TPRG1: variants seen among roughly 807,000 people sequenced by gnomAD.
The protein encoded by TPRG1 is tumor protein p63-regulated gene 1 protein.
TPRG1 carries 29 observed loss-of-function variants against 29.3 expected under a neutral mutation model. That is an observed-to-expected ratio of 0.99 (90% CI 0.74 to 1.35). The LOEUF (loss-of-function observed/expected upper bound fraction) is 1.35, where lower values mean the gene tolerates loss of function less well. Among genes scored for constraint, TPRG1 ranks in the 40% most tolerant of loss-of-function variants. TPRG1 has a pLI of 0.00. For missense variants in TPRG1, 327 were observed against 335.0 expected (o/e 0.98, Z 0.19); for synonymous variants, 130 against 116.8 (o/e 1.11, Z -0.73).
chr3:189,132,927 A>G (rs1723264654), intron 3 of TPRG1, among the ~76,000 whole-genome samples: 1 of 152,124 alleles, frequency 6.6e-6, no homozygotes. Flanking sequence ...GGGGATGGAG[A>G]TATAATCAAC....
chr3:189,284,269 T>C (rs893161209), intron 4 of TPRG1, among the ~76,000 whole-genome samples: 19 of 152,096 alleles, frequency 1.2e-4, no homozygotes, highest in Non-Finnish European at 2.6e-4. Flanking sequence ...GTTACCTATG[T>C]ATACATGTGC....
intron 3 of TPRG1, among the ~76,000 whole-genome samples, chr3:189,223,638 G>A (rs888173965): frequency 1.3e-5 from 2 of 152,150 alleles, no homozygotes; most frequent in Non-Finnish European, 1.5e-5. Context: ...AAAAAGTCAA[G>A]AGGTGAAAGG....
intron 1 of TPRG1, among the ~76,000 whole-genome samples, chr3:189,113,076 T>G (rs1272677944): frequency 6.6e-6 from 1 of 152,170 alleles, no homozygotes; most frequent in Non-Finnish European, 1.5e-5. Context: ...TAGTTCTCCT[T>G]GAAGAGGTCC....
chr3:189,054,080 T>C (rs577483440), intron 4 of TPRG1, among the ~76,000 whole-genome samples: 1 of 152,284 alleles, frequency 6.6e-6, no homozygotes, highest in Admixed American at 6.5e-5. Flanking sequence ...CATTCTTTTC[T>C]CACTAAGCTT....
At chr3:189,289,972 T>G (rs1167528382) in intron 4 of TPRG1, among the ~76,000 whole-genome samples, 2 of 152,228 alleles carry the variant, frequency 1.3e-5, no homozygotes, top group African/African-American at 4.8e-5. Flanking sequence ...TTTCAGATAT[T>G]GCTTTTATGT....
At chr3:189,314,040 G>T (rs1231649261) in intron 5 of TPRG1, among the ~76,000 whole-genome samples, 1 of 152,146 alleles carries the variant, frequency 6.6e-6, no homozygotes, top group Non-Finnish European at 1.5e-5. Flanking sequence ...TCAGGAGAGA[G>T]AATTAATGAA....
chr3:189,104,266 C>T (rs921776522), intron 1 of TPRG1, among the ~76,000 whole-genome samples: 5 of 152,222 alleles, frequency 3.3e-5, no homozygotes, highest in African/African-American at 1.2e-4. Flanking sequence ...ATCTACCTCA[C>T]AGGCTTGTAC....
intron 4 of TPRG1, among the ~76,000 whole-genome samples, chr3:189,257,171 C>T (rs1712049109): frequency 6.6e-6 from 1 of 152,090 alleles, no homozygotes; most frequent in African/African-American, 2.4e-5. Context: ...TTTAGTGCTT[C>T]CTTCAGGAGC....
chr3:189,100,144 C>T (rs1191402390), exon 1 of TPRG1: 2 of 152,390 alleles, frequency 1.3e-5, no homozygotes, highest in African/African-American at 2.4e-5. Context: ...AGGTCAGGCC[C>T]CAGGAGCTGG....
intron 4 of TPRG1, among the ~76,000 whole-genome samples, chr3:189,281,553 T>C (rs1286811134): frequency 6.6e-6 from 1 of 152,182 alleles, no homozygotes; most frequent in Admixed American, 6.5e-5. Context: ...TGTGTGTGTG[T>C]GCACGTGAGT....
In TPRG1 at chr3:189,238,657, T is replaced by TA; in HGVS notation, c.303-75dup. ...GATCAAACTTCACTGTTTTCTGTGC[T>TA]AGGAGAGATGTGAAGGTCATTGCTT... On this transcript the variant is annotated intron_variant, in intron 3 of 5. Transcript: ENST00000345063. The TA allele has an allele frequency of 2.3e-6, 3 of 1,279,732 alleles. No homozygotes were observed. In the South Asian group the frequency reaches 4.2e-5, roughly 18 times the overall value. 79.3% of individuals were successfully genotyped at this position (1,279,732 alleles called of 1,614,324 possible). A position where few individuals can be genotyped will look rare whatever the true frequency, so the allele number is the denominator to read the frequency against.
chr3:189,319,118 A>G (rs1176744807), intron 5 of TPRG1, among the ~76,000 whole-genome samples: 1 of 152,140 alleles, frequency 6.6e-6, no homozygotes, highest in Middle Eastern at 3.2e-3. Context: ...GAGTTTCCTG[A>G]ATTTAATTCC....
Position 189,165,580 on chromosome 3 carries a change from G to A in TPRG1, c.-10+14708G>A, listed in dbSNP as rs191594699. ...CTCAGGCAGGTGTCCAGGGACCTGC[G>A]CATCAAATGCTGTCTTCGGGGTGAG... On this transcript the variant is annotated intron_variant, in intron 5 of 6. Coordinates refer to the TPRG1 transcript ENST00000412373. Among the ~76,000 whole-genome samples, 11 of 151,974 alleles carry A rather than the reference G, an allele frequency of 7.2e-5. No individual in the cohort carries two copies. The East Asian group carries it at 1.4e-3, about 19-fold the overall frequency.
At chr3:189,315,161 TA>T (rs909181752) in intron 5 of TPRG1, among the ~76,000 whole-genome samples, 12 of 151,018 alleles carry the variant, frequency 7.9e-5, no homozygotes, top group Non-Finnish European at 1.2e-4. Context: ...TTTGTCTCTT[TA>T]AAAAAAAATG....
At chr3:189,120,913 G>T (rs57576034) in intron 1 of TPRG1, among the ~76,000 whole-genome samples, 3,718 of 152,268 alleles carry the variant, frequency 0.024, 150 homozygotes, top group African/African-American at 0.085. Context: ...AGAGGAATGT[G>T]CAGGAAGTGG....
intron 5 of TPRG1, among the ~76,000 whole-genome samples, chr3:189,319,471 T>G (rs1432626260): frequency 1.3e-5 from 2 of 151,930 alleles, no homozygotes; most frequent in Non-Finnish European, 2.9e-5. Flanking sequence ...TTTTTTTCCT[T>G]CTCATTTCTT....
At chr3:189,274,075 C>G (rs1366092669) in intron 4 of TPRG1, among the ~76,000 whole-genome samples, 1 of 151,600 alleles carries the variant, frequency 6.6e-6, no homozygotes, top group Non-Finnish European at 1.5e-5. Flanking sequence ...CTTAATACCT[C>G]AAATTCTTTA....
intron 4 of TPRG1, among the ~76,000 whole-genome samples, chr3:189,295,261 GTGAGCAACC>G (rs1479942841): frequency 1.3e-5 from 2 of 152,086 alleles, no homozygotes; most frequent in Admixed American, 6.5e-5. Flanking sequence ...CTAGTAGACT[GTGAGCAACC>G]TGAATGCAGA....
chr3:189,128,609 C>G (rs537983693), intron 2 of TPRG1, among the ~76,000 whole-genome samples: 2 of 152,276 alleles, frequency 1.3e-5, no homozygotes, highest in East Asian at 3.9e-4. Context: ...GAAGTGCCCT[C>G]ATGTTCCTTA....
Sources: gnomAD v4.1 joint callset for allele counts (sites outside exome capture counted in the v4.1 genomes callset) on GRCh38, gnomAD v4.1.1 for gene constraint, MANE v1.5 for transcripts, NCBI Gene and HGNC (gene_info 2026-07-23, HGNC 2026-07-21) for gene names.